The following TMTC2 variants were observed in gnomAD, a reference collection of about 807,000 sequenced individuals.
TMTC2 encodes protein O-mannosyl-transferase TMTC2.
A neutral mutation model predicts 82.4 loss-of-function variants in TMTC2; 43 were observed. That is an observed-to-expected ratio of 0.52 (90% CI 0.41 to 0.67). The LOEUF (loss-of-function observed/expected upper bound fraction) is 0.67, where lower values mean the gene tolerates loss of function less well. Ranked by LOEUF, TMTC2 falls within the 30% of genes least tolerant of loss-of-function variation. The pLI is 0.00. For synonymous variants in TMTC2, 408 were observed against 381.9 expected (o/e 1.07, Z -0.80); for missense variants, 919 against 1,012.4 (o/e 0.91, Z 1.25).
At chr12:83,037,296 T>C (rs918768548) in intron 9 of TMTC2, among the ~76,000 whole-genome samples, 1 of 152,216 alleles carries the variant, frequency 6.6e-6, no homozygotes, top group African/African-American at 2.4e-5. Context: ...TTTTTTATTA[T>C]TCATAACTAA....
intron 4 of TMTC2, among the ~76,000 whole-genome samples, chr12:82,937,254 T>C (rs1044342695): frequency 6.6e-6 from 1 of 152,222 alleles, no homozygotes; most frequent in Non-Finnish European, 1.5e-5. Context: ...ATGCTCCCTC[T>C]GAAACCTGTA....
chr12:83,034,132 C>T (rs1881566414), intron 9 of TMTC2, among the ~76,000 whole-genome samples: 1 of 151,920 alleles, frequency 6.6e-6, no homozygotes, highest in African/African-American at 2.4e-5. Context: ...TGCAACCACA[C>T]TGTTCTGTGT....
intron 11 of TMTC2, among the ~76,000 whole-genome samples, chr12:83,087,252 T>C (rs1323176779): frequency 1.3e-5 from 2 of 152,220 alleles, no homozygotes; most frequent in African/African-American, 4.8e-5. Flanking sequence ...ATAATTCAAT[T>C]ACATCTTCAG....
At chr12:82,874,736 C>G (rs12301350) in intron 2 of TMTC2, among the ~76,000 whole-genome samples, 3,054 of 151,988 alleles carry the variant, frequency 0.02, 104 homozygotes, top group African/African-American at 0.07. Flanking sequence ...ATGAGTCAAT[C>G]CCACTTTCTA....
chr12:82,903,855 T>C (rs1592615296), intron 3 of TMTC2, among the ~76,000 whole-genome samples: 1 of 151,588 alleles, frequency 6.6e-6, no homozygotes, highest in Non-Finnish European at 1.5e-5. Context: ...TGTTTACAGA[T>C]ATAATGTACA....
chr12:82,984,853 TC>T (rs1879085830), intron 7 of TMTC2, among the ~76,000 whole-genome samples: 1 of 152,232 alleles, frequency 6.6e-6, no homozygotes, highest in African/African-American at 2.4e-5. Context: ...AACTTTTTTA[TC>T]CTGCTCTGCT....
intron 2 of TMTC2, among the ~76,000 whole-genome samples, chr12:82,875,500 G>A (rs890008979): frequency 6.6e-6 from 1 of 152,074 alleles, no homozygotes; most frequent in African/African-American, 2.4e-5. Flanking sequence ...AGGTATACTA[G>A]TGAGCTCATT....
chr12:83,050,999 A>T lies in TMTC2; in HGVS notation c.2248A>T (p.Asn750Tyr). Residue 750 changes from asparagine to tyrosine, a missense_variant, in exon 10 of 12, where the codon AAT becomes TAT. Transcript: ENST00000321196. The part of the protein sequence containing the change: ...LDSTEFDVVF[N>Y]AAHMLRQASL... Reference sequence around the variant, plus strand: ...CAGCACAGAGTTTGATGTTGTCTTCAATGCTGCCCACATGCTCAGGTTAGT... The same window carrying T: ...CAGCACAGAGTTTGATGTTGTCTTCTATGCTGCCCACATGCTCAGGTTAGT... 6.2e-7 allele frequency: 1 copy of T among 1,610,476 alleles called. No individual in the cohort carries two copies. The highest frequency in any genetic ancestry group is 1.3e-5 in the African/African-American group (1 of 74,846).
chr12:83,019,869 T>G (rs562817154), intron 8 of TMTC2, among the ~76,000 whole-genome samples: 1 of 152,186 alleles, frequency 6.6e-6, no homozygotes, highest in Non-Finnish European at 1.5e-5. Flanking sequence ...AGCATCTTAG[T>G]ATGACTGATA....
At chr12:82,688,845 C>G (rs1320906588) in intron 1 of TMTC2, among the ~76,000 whole-genome samples, 1 of 152,166 alleles carries the variant, frequency 6.6e-6, no homozygotes, top group East Asian at 1.9e-4. Context: ...AAGGCAGAAT[C>G]TTCTTCTCGT....
At chr12:82,904,728 CGT>C (rs1163230555) in intron 3 of TMTC2, among the ~76,000 whole-genome samples, 1 of 152,130 alleles carries the variant, frequency 6.6e-6, no homozygotes, top group Non-Finnish European at 1.5e-5. Context: ...CATATTGATT[CGT>C]ATTTGCTTAA....
chr12:82,741,953 T>C (rs1185151007), intron 1 of TMTC2, among the ~76,000 whole-genome samples: 1 of 152,126 alleles, frequency 6.6e-6, no homozygotes, highest in Non-Finnish European at 1.5e-5. Flanking sequence ...GGTTTTTCTG[T>C]TGAGGAAATC....
intron 3 of TMTC2, among the ~76,000 whole-genome samples, chr12:82,897,151 A>G (rs1873729189): frequency 6.6e-6 from 1 of 152,170 alleles, no homozygotes; most frequent in Non-Finnish European, 1.5e-5. Context: ...GTCAGTGTGT[A>G]CACATTCAGG....
intron 2 of TMTC2, among the ~76,000 whole-genome samples, chr12:82,882,767 ATAGTC>A (rs1157307253): frequency 6.6e-6 from 1 of 152,124 alleles, no homozygotes; most frequent in Non-Finnish European, 1.5e-5. Flanking sequence ...TTTAAAAACT[ATAGTC>A]TAGGGTGCGT....
At chr12:82,732,738 G>A (rs1163579000) in intron 1 of TMTC2, among the ~76,000 whole-genome samples, 1 of 152,204 alleles carries the variant, frequency 6.6e-6, no homozygotes, top group Admixed American at 6.5e-5. Context: ...GTGTGGAAGT[G>A]TAGTTTAATC....
At chr12:82,760,222 C>T (rs1429826449) in intron 1 of TMTC2, 1 of 151,710 alleles carries the variant, frequency 6.6e-6, no homozygotes, top group Non-Finnish European at 1.5e-5. Context: ...GTAATCAGCA[C>T]TTTTGAGAAG....
intron 11 of TMTC2, among the ~76,000 whole-genome samples, chr12:83,078,914 A>C (rs541868651): frequency 3.3e-5 from 5 of 152,224 alleles, no homozygotes; most frequent in African/African-American, 1.2e-4. Flanking sequence ...ATTAGAAATG[A>C]TCCTTTACAC....
rs1661524220 is a variant in TMTC2 at position 83,133,235 on chromosome 12, GC to G, written c.*847del. On this transcript the variant is annotated 3_prime_UTR_variant, in exon 12 of 12. Transcript: ENST00000321196. ...GAAAATAGCTATTCCTGGAGAATGT[GC>G]AAGCTTACATAAGGATAAAGGACAG... The G allele has an allele frequency of 6.6e-6, 1 of 152,184 alleles. No individual in the cohort carries two copies. The highest frequency in any genetic ancestry group is 2.1e-4 in the South Asian group (1 of 4,830). The allele number at this position is 152,184 out of a possible 1,614,324, so 9.4% of individuals were successfully genotyped here.
intron 1 of TMTC2, among the ~76,000 whole-genome samples, chr12:82,735,558 G>T (rs190879915): frequency 6.6e-6 from 1 of 151,990 alleles, no homozygotes; most frequent in Non-Finnish European, 1.5e-5. Context: ...TGTTAGCCAG[G>T]ATGGTCTCGA....
Sources: gnomAD v4.1 joint callset for allele counts (sites outside exome capture counted in the v4.1 genomes callset) on GRCh38, gnomAD v4.1.1 for gene constraint, MANE v1.5 for transcripts, NCBI Gene and HGNC (gene_info 2026-07-23, HGNC 2026-07-21) for gene names.